The following TSHZ2 variants were observed in gnomAD, a reference collection of about 807,000 sequenced individuals.
TSHZ2 encodes teashirt zinc finger homeobox 2, also known as teashirt homolog 2.
A neutral mutation model predicts 74.4 loss-of-function variants in TSHZ2; 21 were observed. That is an observed-to-expected ratio of 0.28 (90% confidence interval 0.20 to 0.41). The LOEUF (loss-of-function observed/expected upper bound fraction) is 0.41, where lower values mean the gene tolerates loss of function less well. TSHZ2 is among the 10% of genes least tolerant of loss of function. The pLI, the probability that TSHZ2 is intolerant of heterozygous loss-of-function variation, is 1.00. For synonymous variants in TSHZ2, 540 were observed against 515.3 expected, an observed-to-expected ratio of 1.05 and a Z score of -0.65; for missense variants, 1,244 against 1,293.5, an observed-to-expected ratio of 0.96 and a Z score of 0.59.
intron 1 of TSHZ2, among the ~76,000 whole-genome samples, chr20:52,979,541 G>C (rs1377999114): frequency 6.6e-6 from 1 of 152,192 alleles, no homozygotes; most frequent in Non-Finnish European, 1.5e-5. Flanking sequence ...ACACAGAAGA[G>C]AAATCTGAGA....
chr20:53,049,693 G>A (rs554172726), intron 1 of TSHZ2, among the ~76,000 whole-genome samples: 19 of 152,052 alleles, frequency 1.2e-4, no homozygotes, highest in Non-Finnish European at 1.6e-4. Flanking sequence ...AAGGAGAGAC[G>A]AAGGGAGGTG....
chr20:53,257,865 G>A (rs1005805430), intron 2 of TSHZ2, among the ~76,000 whole-genome samples: 5 of 152,164 alleles, frequency 3.3e-5, no homozygotes, highest in African/African-American at 1.2e-4. Context: ...ACACCCTATT[G>A]TCAGAGCATT....
At chr20:53,446,388 C>T (rs993814314) in intron 2 of TSHZ2, among the ~76,000 whole-genome samples, 6 of 139,656 alleles carry the variant, frequency 4.3e-5, no homozygotes, top group Admixed American at 2.9e-4. Context: ...ACGGTGAAAC[C>T]CCGTCTCTAC....
At chr20:53,360,720 A>T (rs1262051741) in intron 2 of TSHZ2, among the ~76,000 whole-genome samples, 1 of 152,184 alleles carries the variant, frequency 6.6e-6, no homozygotes, top group Non-Finnish European at 1.5e-5. Flanking sequence ...CATTTTTCAG[A>T]TGGGGAAACC....
chr20:53,014,818 C>A (rs1047386064), intron 1 of TSHZ2, among the ~76,000 whole-genome samples: 10 of 152,188 alleles, frequency 6.6e-5, no homozygotes, highest in African/African-American at 2.4e-4. Context: ...CTGCTCCCCT[C>A]CACCTCCCTG....
At chr20:52,996,920 A>G (rs1982218277) in intron 1 of TSHZ2, among the ~76,000 whole-genome samples, 1 of 152,200 alleles carries the variant, frequency 6.6e-6, no homozygotes, top group African/African-American at 2.4e-5. Flanking sequence ...TGTGTTATAC[A>G]AGCTGCTGGC....
At position 53,277,441 on chromosome 20, in the gene TSHZ2, C is replaced by A. The variant is rs368113212; in HGVS notation, c.*8+20870C>A. Among the ~76,000 whole-genome samples, 37 of 149,782 alleles carry A rather than the reference C, an allele frequency of 2.5e-4. No homozygotes were observed. The South Asian group carries it at 5.5e-3, about 22-fold the overall frequency. On this transcript the variant is annotated intron_variant, in intron 2 of 2. Coordinates refer to ENST00000371497, the MANE Select transcript of TSHZ2 (RefSeq NM_173485.6). ...ACTTGCTTTCACTTTGCAAAAAAAA[C>A]CAAAAAACTAAAAAACAGGAAAAAA...
rs980398750 is a variant in TSHZ2 at position 53,025,443 on chromosome 20, G to C, written c.40+52110G>C. Among the ~76,000 whole-genome samples the C allele has an allele frequency of 3.3e-5, 5 of 152,232 alleles. No individual in the cohort carries two copies. In the South Asian group the frequency reaches 8.3e-4, roughly 25 times the overall value. On this transcript the variant is annotated intron_variant, in intron 1 of 2. Coordinates refer to ENST00000371497, the MANE Select transcript of TSHZ2 (RefSeq NM_173485.6). ...CATGAGTTCAAGTGGATCCAACTAAGCCCAGATGATGAAGTCCATGTATCC... is the reference window on the plus strand; with the variant it reads ...CATGAGTTCAAGTGGATCCAACTAACCCCAGATGATGAAGTCCATGTATCC...
At chr20:53,467,955 GT>G (rs1243330306) in intron 2 of TSHZ2, among the ~76,000 whole-genome samples, 1 of 152,000 alleles carries the variant, frequency 6.6e-6, no homozygotes, top group African/African-American at 2.4e-5. Context: ...ACGACAGGAG[GT>G]TCCCGTGATA....
At chr20:53,333,459 CTTTT>C in intron 2 of TSHZ2, among the ~76,000 whole-genome samples, 1 of 139,164 alleles carries the variant, frequency 7.2e-6, no homozygotes, top group Non-Finnish European at 1.6e-5. Flanking sequence ...AGCATGGTTT[CTTTT>C]TTTTTTTTTT....
chr20:53,139,119 C>T (rs1987324110), intron 1 of TSHZ2, among the ~76,000 whole-genome samples: 1 of 152,204 alleles, frequency 6.6e-6, no homozygotes, highest in South Asian at 2.1e-4. Flanking sequence ...GAAACATTTA[C>T]CCTTAGCAAA....
chr20:53,047,417 T>G (rs1395766709), intron 1 of TSHZ2, among the ~76,000 whole-genome samples: 1 of 152,168 alleles, frequency 6.6e-6, no homozygotes, highest in African/African-American at 2.4e-5. Context: ...CCCTGGATTC[T>G]ACCATTATAT....
At chr20:53,033,650 G>GA (rs553637999) in intron 1 of TSHZ2, among the ~76,000 whole-genome samples, 1 of 60,548 alleles carries the variant, frequency 1.7e-5, no homozygotes, top group Non-Finnish European at 3.1e-5. Context: ...TTGATAAAAA[G>GA]CTTTTTTTTT....
chr20:53,142,294 G>T (rs1164439271), intron 1 of TSHZ2, among the ~76,000 whole-genome samples: 1 of 152,110 alleles, frequency 6.6e-6, no homozygotes, highest in Admixed American at 6.5e-5. Flanking sequence ...CTCAGATCCT[G>T]TCCTGCCCCC....
intron 1 of TSHZ2, among the ~76,000 whole-genome samples, chr20:53,180,759 T>C (rs1419889612): frequency 6.6e-6 from 1 of 152,148 alleles, no homozygotes; most frequent in Non-Finnish European, 1.5e-5. Context: ...CCCCTAAATA[T>C]ATTTTTTAAA....
chr20:53,460,852 G>A (rs1001076632), intron 2 of TSHZ2, among the ~76,000 whole-genome samples: 6 of 152,200 alleles, frequency 3.9e-5, no homozygotes, highest in African/African-American at 1.4e-4. Context: ...CTCCCAGTTA[G>A]GCTGCTCGGG....
intron 2 of TSHZ2, among the ~76,000 whole-genome samples, chr20:53,463,985 C>A (rs1985482388): frequency 6.6e-6 from 1 of 152,240 alleles, no homozygotes; most frequent in Non-Finnish European, 1.5e-5. Flanking sequence ...TCATTGCCAT[C>A]CAGTGCGTAA....
chr20:53,337,962 G>A (rs1980022278), intron 2 of TSHZ2, among the ~76,000 whole-genome samples: 1 of 152,170 alleles, frequency 6.6e-6, no homozygotes, highest in Non-Finnish European at 1.5e-5. Context: ...TAAAGCACAG[G>A]CTCAAAGCTA....
chr20:52,989,835 TCA>T (rs1380389713), intron 1 of TSHZ2, among the ~76,000 whole-genome samples: 3 of 152,092 alleles, frequency 2.0e-5, no homozygotes, highest in Non-Finnish European at 4.4e-5. Context: ...GTAAATAGTT[TCA>T]CACTATATTT....
Sources: allele counts gnomAD v4.1 joint callset (sites outside exome capture counted in the v4.1 genomes callset), GRCh38; gene constraint gnomAD v4.1.1; transcripts MANE v1.5; gene names NCBI Gene and HGNC (gene_info 2026-07-23, HGNC 2026-07-21).